The following FBXO34 variants were observed in gnomAD, a reference collection of about 807,000 sequenced individuals.
The protein encoded by FBXO34 is F-box protein 34.
Under a neutral mutation model 24.5 loss-of-function variants are expected in FBXO34, and 12 were observed. The ratio of observed to expected loss-of-function variants is 0.49; its 90% CI spans 0.31 to 0.79. The LOEUF (loss-of-function observed/expected upper bound fraction) is 0.79. FBXO34 is among the 30% of genes least tolerant of loss of function. The probability of loss-of-function intolerance (pLI) is 0.04; values close to 1 mark genes in which losing one functional copy is unlikely to be tolerated. For synonymous variants in FBXO34, 320 were observed against 311.9 expected, an observed-to-expected ratio of 1.03 and a Z score of -0.27; for missense variants, 823 against 857.7, an observed-to-expected ratio of 0.96 and a Z score of 0.51.
rs1884356578 is a variant in FBXO34, at chr14:55,351,240, G to T, written c.850G>T (p.Ala284Ser). 1.2e-6 allele frequency: 2 copies of T among 1,614,204 alleles called. No homozygotes were observed. Among genetic ancestry groups the T allele is most frequent in the Non-Finnish European group, 1.7e-6 (2 of 1,180,032 alleles). Residue 284 changes from alanine to serine, a missense_variant, in exon 2 of 2, where the codon GCC becomes TCC. Transcript: ENST00000313833. ...ACCAGTCCGTGTCCTTGACATGGTA[G>T]CCAAGTTGGAGTCTGAGTGCCTGAA... ...SEPVRVLDMV[A>S]KLESECLKRQ...
rs756831688 is a variant in FBXO34 at position 55,351,096 on chromosome 14, G to T, written c.706G>T (p.Val236Leu). The change falls in exon 2 of 2, where the codon GTG (valine) becomes TTG (leucine). Residue 236 changes from valine (V) to leucine (L), a missense_variant. Physicochemically the swap from Val to Leu is conservative, Grantham distance 32. Around this residue, in one of 2 missense-constraint regions of FBXO34, gnomAD observed 693 missense variants for 659.1 expected, o/e 1.05. Transcript: ENST00000313833. ...AAACTGCACAAACTCACCTGCAATT[G>T]TGAGGTTTTCTGGCCAATCCAGAGG... ...SKNCTNSPAI[V>L]RFSGQSRGVP... The T allele has an allele frequency of 6.2e-7, 1 of 1,614,208 alleles. No homozygotes were observed. The highest frequency in any genetic ancestry group is 8.5e-7 in the Non-Finnish European group (1 of 1,180,044).
chr14:55,398,059 C>T, the FBXO34 span, among the ~76,000 whole-genome samples: 122 of 151,626 alleles, frequency 8.0e-4, no homozygotes, highest in Non-Finnish European at 1.4e-3. Context: ...GCCATTCTCC[C>T]GCCTCAGCCT....
At chr14:55,429,487 G>C in the FBXO34 span, among the ~76,000 whole-genome samples, 58 of 152,284 alleles carry the variant, frequency 3.8e-4, 1 homozygote, top group African/African-American at 1.3e-3. Flanking sequence ...ACAATGGCTG[G>C]GCACAGTGGC....
chr14:55,284,503 C>A (rs899665668), intron 1 of FBXO34, among the ~76,000 whole-genome samples: 3,821 of 131,708 alleles, frequency 0.029, 61 homozygotes, highest in Non-Finnish European at 0.043. Flanking sequence ...CAAGAGTGAA[C>A]CTCTGTCTCC....
At chr14:55,361,993 C>G (rs1884600490), downstream of FBXO34, 1 of 152,146 alleles carries the variant, frequency 6.6e-6, no homozygotes, top group Non-Finnish European at 1.5e-5. Flanking sequence ...AGAACTTTTC[C>G]TTTGCATTCA....
At chr14:55,276,796 T>TC (rs1881360363) in intron 1 of FBXO34, among the ~76,000 whole-genome samples, 1 of 152,172 alleles carries the variant, frequency 6.6e-6, no homozygotes, top group African/African-American at 2.4e-5. Context: ...TCAGACGAAT[T>TC]CTTGGGGACT....
intron 1 of FBXO34, among the ~76,000 whole-genome samples, chr14:55,290,167 G>T (rs1881896501): frequency 6.6e-6 from 1 of 151,928 alleles, no homozygotes. Context: ...TGAGGCGGGC[G>T]GATCCCACTT....
chr14:55,327,307 G>A (rs897521657), intron 1 of FBXO34, among the ~76,000 whole-genome samples: 3 of 152,176 alleles, frequency 2.0e-5, no homozygotes, highest in African/African-American at 7.2e-5. Context: ...AGTAGAACAT[G>A]AGAAAGAGAG....
chr14:55,323,540 G>A (rs1883240593), intron 1 of FBXO34, among the ~76,000 whole-genome samples: 1 of 151,526 alleles, frequency 6.6e-6, no homozygotes, highest in Non-Finnish European at 1.5e-5. Flanking sequence ...GTGCCACCAC[G>A]TCCAGCTAAT....
the FBXO34 span, among the ~76,000 whole-genome samples, chr14:55,401,029 T>C: frequency 6.6e-6 from 1 of 152,146 alleles, no homozygotes; most frequent in Admixed American, 6.5e-5. Flanking sequence ...AAACACTTTA[T>C]ACAGTTTACA....
chr14:55,344,392 C>G (rs1342702018), intron 1 of FBXO34, among the ~76,000 whole-genome samples: 2 of 152,066 alleles, frequency 1.3e-5, no homozygotes, highest in South Asian at 2.1e-4. Context: ...GTTGTTATCT[C>G]TATCCAGAAA....
chr14:55,348,049 C>T (rs1464293579), intron 1 of FBXO34, among the ~76,000 whole-genome samples: 1 of 152,142 alleles, frequency 6.6e-6, no homozygotes, highest in Admixed American at 6.5e-5. Context: ...CTGGGTAGCT[C>T]TATTTGTAAG....
At chr14:55,302,453 G>GTTTTTTTTT (rs796083398) in intron 1 of FBXO34, among the ~76,000 whole-genome samples, 1 of 133,462 alleles carries the variant, frequency 7.5e-6, no homozygotes, top group Non-Finnish European at 1.6e-5. Flanking sequence ...CCTCTTTTTT[G>GTTTTTTTTT]TTTTTTTTTT....
At chr14:55,437,096 C>T in the FBXO34 span, 2 of 1,223,830 alleles carry the variant, frequency 1.6e-6, no homozygotes, top group South Asian at 2.6e-5. Context: ...GTCACTATGG[C>T]AGGCAGGCAG....
At chr14:55,280,481 A>G (rs982745585) in intron 1 of FBXO34, among the ~76,000 whole-genome samples, 8 of 151,338 alleles carry the variant, frequency 5.3e-5, no homozygotes, top group African/African-American at 1.9e-4. Flanking sequence ...ATGCGGTAGA[A>G]TGTGCGTAGG....
chr14:55,404,464 T>A, the FBXO34 span, among the ~76,000 whole-genome samples: 1 of 152,346 alleles, frequency 6.6e-6, no homozygotes, highest in South Asian at 2.1e-4. Context: ...TTCAGTACCT[T>A]CCCTAGCAAC....
chr14:55,433,160 G>A, the FBXO34 span, among the ~76,000 whole-genome samples: 1 of 152,124 alleles, frequency 6.6e-6, no homozygotes, highest in African/African-American at 2.4e-5. Flanking sequence ...ACAGGGTCTT[G>A]CTCTGTAACT....
intron 1 of FBXO34, chr14:55,282,785 T>A (rs1279117098): frequency 2.6e-5 from 4 of 152,188 alleles, no homozygotes; most frequent in African/African-American, 7.2e-5. Flanking sequence ...AAAGATTAAT[T>A]TTGTTCATTG....
the FBXO34 span, among the ~76,000 whole-genome samples, chr14:55,377,141 G>C: frequency 6.6e-6 from 1 of 152,210 alleles, no homozygotes; most frequent in Non-Finnish European, 1.5e-5. Flanking sequence ...GAGGTCAGGA[G>C]TTTGAGACCA....
Sources: gnomAD v4.1 joint callset for allele counts (sites outside exome capture counted in the v4.1 genomes callset) on GRCh38, gnomAD v4.1.1 for gene constraint, gnomAD v4.1.1 regional missense constraint, MANE v1.5 for transcripts, NCBI Gene and HGNC (gene_info 2026-07-23, HGNC 2026-07-21) for gene names.